The following PALS2 variants were observed in gnomAD, a reference collection of about 807,000 sequenced individuals.
The protein encoded by PALS2 is protein associated with LIN7 2, MAGUK p55 family member.
Under a neutral mutation model 61.6 loss-of-function variants are expected in PALS2, and 27 were observed. That is an observed-to-expected ratio of 0.44 (90% CI 0.32 to 0.60). The LOEUF (loss-of-function observed/expected upper bound fraction) is 0.60, where lower values mean the gene tolerates loss of function less well. PALS2 is among the 20% of genes least tolerant of loss of function. The pLI, the probability that PALS2 is intolerant of heterozygous loss-of-function variation, is 0.05. For synonymous variants in PALS2, 236 were observed against 218.6 expected (o/e 1.08, Z -0.70); for missense variants, 554 against 639.4 (o/e 0.87, Z 1.44).
At position 24,690,457 on chromosome 7, in the gene PALS2, T is replaced by C. The variant is rs1788416431; in HGVS notation, c.*2843T>C. ...ATGCATGTGCTTTTGGGAAACATGA[T>C]GTGCCAACGTATTAATGTGCCTGAG... On this transcript the variant is annotated 3_prime_UTR_variant, in exon 12 of 12. Coordinates refer to ENST00000222644, the MANE Select transcript of PALS2 (RefSeq NM_001303037.2). 1 of 152,226 alleles carries C rather than the reference T, an allele frequency of 6.6e-6. No individual in the cohort carries two copies. Among genetic ancestry groups the C allele is most frequent in the Non-Finnish European group, 1.5e-5 (1 of 68,040 alleles). 9.4% of individuals were successfully genotyped at this position (152,226 alleles called of 1,614,324 possible). A position where few individuals can be genotyped will look rare whatever the true frequency, so the allele number is the denominator to read the frequency against.
chr7:24,638,281 T>C (rs1785336947), intron 2 of PALS2, among the ~76,000 whole-genome samples: 1 of 150,292 alleles, frequency 6.7e-6, no homozygotes, highest in Non-Finnish European at 1.5e-5. Context: ...AGCTACAGTT[T>C]CTAAAAAAAC....
intron 2 of PALS2, among the ~76,000 whole-genome samples, chr7:24,638,322 C>CT (rs749421698): frequency 0.033 from 394 of 11,890 alleles, 170 homozygotes; most frequent in Non-Finnish European, 0.037. Flanking sequence ...TCTGTATTTT[C>CT]TTTTTTTTTT....
At chr7:24,599,280 G>C (rs1783632021) in intron 1 of PALS2, among the ~76,000 whole-genome samples, 1 of 152,120 alleles carries the variant, frequency 6.6e-6, no homozygotes, top group South Asian at 2.1e-4. Flanking sequence ...TGCTCTGGGT[G>C]AGTGAGTGGT....
At chr7:24,595,723 A>C (rs1376271425) in intron 1 of PALS2, among the ~76,000 whole-genome samples, 5 of 150,944 alleles carry the variant, frequency 3.3e-5, no homozygotes, top group Non-Finnish European at 7.4e-5. Flanking sequence ...GATGAAAATG[A>C]AACTAAAAGG....
chr7:24,686,114 G>A (rs574559810), intron 11 of PALS2, among the ~76,000 whole-genome samples: 1 of 152,252 alleles, frequency 6.6e-6, no homozygotes, highest in East Asian at 1.9e-4. Context: ...ACCTAAGTTA[G>A]AAACCTAAGA....
intron 5 of PALS2, among the ~76,000 whole-genome samples, chr7:24,659,068 T>C (rs985184522): frequency 6.6e-6 from 1 of 152,192 alleles, no homozygotes; most frequent in Middle Eastern, 3.2e-3. Flanking sequence ...ATGTACTCAA[T>C]GTTTAGCACC....
At chr7:24,676,163 T>A (rs904267865) in intron 9 of PALS2, among the ~76,000 whole-genome samples, 19 of 152,122 alleles carry the variant, frequency 1.2e-4, no homozygotes, top group African/African-American at 4.3e-4. Flanking sequence ...CATTTTTTCA[T>A]GTGTTTTTTG....
chr7:24,684,168 C>T (rs569239308), intron 11 of PALS2, among the ~76,000 whole-genome samples: 4 of 151,764 alleles, frequency 2.6e-5, no homozygotes, highest in Admixed American at 6.6e-5. Flanking sequence ...GGTGCAGTCT[C>T]GACTCACTGC....
intron 1 of PALS2, among the ~76,000 whole-genome samples, chr7:24,595,215 A>G (rs935334716): frequency 6.6e-6 from 1 of 151,594 alleles, no homozygotes; most frequent in Non-Finnish European, 1.5e-5. Flanking sequence ...TCAAACAGCT[A>G]TTCATTGTTG....
At chr7:24,606,474 T>A (rs1008049089) in intron 1 of PALS2, among the ~76,000 whole-genome samples, 2 of 152,154 alleles carry the variant, frequency 1.3e-5, no homozygotes, top group African/African-American at 4.8e-5. Flanking sequence ...ATTCTAGCAT[T>A]TGTTGTTGAG....
chr7:24,633,995 A>G (rs151274728), intron 2 of PALS2, among the ~76,000 whole-genome samples: 1 of 152,242 alleles, frequency 6.6e-6, no homozygotes, highest in East Asian at 1.9e-4. Flanking sequence ...GCATCTTTTC[A>G]TGTGCTTATT....
intron 1 of PALS2, among the ~76,000 whole-genome samples, chr7:24,606,842 AAAT>A (rs1783917393): frequency 6.6e-6 from 1 of 152,192 alleles, no homozygotes; most frequent in African/African-American, 2.4e-5. Context: ...GAATATTTGC[AAAT>A]ACATAATAAG....
At chr7:24,576,421 G>C (rs1215552548) in intron 1 of PALS2, among the ~76,000 whole-genome samples, 1 of 152,168 alleles carries the variant, frequency 6.6e-6, no homozygotes, top group African/African-American at 2.4e-5. Context: ...TGGGCACTTT[G>C]TCAAACTGCT....
At chr7:24,674,899 G>T (rs373928854) in intron 9 of PALS2, among the ~76,000 whole-genome samples, 2 of 152,088 alleles carry the variant, frequency 1.3e-5, no homozygotes, top group African/African-American at 4.8e-5. Context: ...TTTGTTGATT[G>T]TGTCTTCATT....
intron 1 of PALS2, among the ~76,000 whole-genome samples, chr7:24,577,074 A>C (rs146678237): frequency 2.3e-4 from 35 of 152,270 alleles, no homozygotes; most frequent in African/African-American, 8.2e-4. Flanking sequence ...GTTTAGAAAG[A>C]ACTTAAGTTT....
chr7:24,581,470 C>G (rs1782843142), intron 1 of PALS2, among the ~76,000 whole-genome samples: 1 of 152,142 alleles, frequency 6.6e-6, no homozygotes, highest in East Asian at 1.9e-4. Flanking sequence ...GACTATTATT[C>G]AGCCTACCAT....
intron 8 of PALS2, chr7:24,667,019 T>C (rs1234433020): frequency 6.6e-6 from 1 of 152,092 alleles, no homozygotes; most frequent in East Asian, 1.9e-4. Flanking sequence ...AAGAAAATAA[T>C]ATAGAAGGAA....
intron 1 of PALS2, among the ~76,000 whole-genome samples, chr7:24,612,778 A>G (rs193213483): frequency 2.6e-5 from 4 of 151,972 alleles, no homozygotes; most frequent in Admixed American, 1.3e-4. Context: ...TTGAGAATGC[A>G]CTTATATCAT....
At chr7:24,599,626 TC>T (rs1430224658) in intron 1 of PALS2, among the ~76,000 whole-genome samples, 7 of 146,614 alleles carry the variant, frequency 4.8e-5, no homozygotes, top group African/African-American at 1.8e-4. Flanking sequence ...CGTCCCAGCC[TC>T]CCAAGTAGCT....
Sources: allele counts gnomAD v4.1 joint callset (sites outside exome capture counted in the v4.1 genomes callset), GRCh38; gene constraint gnomAD v4.1.1; transcripts MANE v1.5; gene names NCBI Gene and HGNC (gene_info 2026-07-23, HGNC 2026-07-21).